The following P2RY12 variants were observed in gnomAD, a reference collection of about 807,000 sequenced individuals.
The protein encoded by P2RY12 is P2Y purinoceptor 12.
Under a neutral mutation model 4.5 loss-of-function variants are expected in P2RY12, and 3 were observed. That is an observed-to-expected ratio of 0.67 (90% CI 0.31 to 1.74). The LOEUF (loss-of-function observed/expected upper bound fraction) is 1.74, where lower values mean the gene tolerates loss of function less well. Among genes scored for constraint, P2RY12 ranks in the 40% most tolerant of loss-of-function variants. P2RY12 has a pLI of 0.09. For synonymous variants in P2RY12, 148 were observed against 154.1 expected, an observed-to-expected ratio of 0.96 and a Z score of 0.29; for missense variants, 356 against 407.8, an observed-to-expected ratio of 0.87 and a Z score of 1.09.
At chr3:151,365,757 A>G in intron 1 of P2RY12, 1 of 1,119,942 alleles carries the variant, frequency 8.9e-7, no homozygotes, top group South Asian at 2.1e-5. Context: ...GACTTGTTTG[A>G]TGTTAGTGAA....
chr3:151,369,790 A>G (rs1445561389), intron 1 of P2RY12, among the ~76,000 whole-genome samples: 3 of 152,198 alleles, frequency 2.0e-5, no homozygotes, highest in South Asian at 4.1e-4. Flanking sequence ...TTTTAGTTGC[A>G]TAATGTCTCA....
chr3:151,352,941 T>C (rs899570636), intron 1 of P2RY12, among the ~76,000 whole-genome samples: 1 of 152,120 alleles, frequency 6.6e-6, no homozygotes, highest in Non-Finnish European at 1.5e-5. Context: ...TGAGGAAAAA[T>C]ATATATTGAC....
chr3:151,364,366 C>A (rs574098082), intron 1 of P2RY12, among the ~76,000 whole-genome samples: 3 of 152,094 alleles, frequency 2.0e-5, no homozygotes, highest in Non-Finnish European at 4.4e-5. Context: ...AGAAATACAA[C>A]ATGATAAGTT....
intron 1 of P2RY12, among the ~76,000 whole-genome samples, chr3:151,382,955 T>C (rs1372256676): frequency 6.6e-6 from 1 of 152,208 alleles, no homozygotes; most frequent in Non-Finnish European, 1.5e-5. Flanking sequence ...CAGTGCTAGG[T>C]ATTTTAAGCA....
intron 1 of P2RY12, among the ~76,000 whole-genome samples, chr3:151,345,116 A>G (rs918605239): frequency 2.6e-5 from 4 of 152,212 alleles, no homozygotes; most frequent in African/African-American, 7.2e-5. Flanking sequence ...TTCTGTGAGT[A>G]TGAGATAATA....
rs373862064 is a variant in P2RY12 at position 151,338,918 on chromosome 3, T to C, written c.-14-59A>G. 313 of 1,493,742 alleles carry C rather than the reference T, an allele frequency of 2.1e-4. 4 individuals carry two copies. The highest frequency in any genetic ancestry group is 2.0e-3 in the South Asian group (176 of 86,252). 92.5% of individuals were successfully genotyped at this position (1,493,742 alleles called of 1,614,324 possible). ...CCTAAGGTAGTTATTATTGCTGTTATCTCTGTGTGTAACTTTTTTGGACAC... is the reference window on the plus strand; with the variant it reads ...CCTAAGGTAGTTATTATTGCTGTTACCTCTGTGTGTAACTTTTTTGGACAC... On this transcript the variant is annotated intron_variant, in intron 2 of 2. Coordinates refer to ENST00000302632, the MANE Select transcript of P2RY12 (RefSeq NM_022788.5).
intron 1 of P2RY12, chr3:151,357,159 T>G (rs1754036062): frequency 1.4e-6 from 2 of 1,395,732 alleles, no homozygotes; most frequent in South Asian, 2.8e-5. Flanking sequence ...AATAAATGTT[T>G]TCTCTATTTG....
intron 1 of P2RY12, among the ~76,000 whole-genome samples, chr3:151,345,929 C>A (rs1358814719): frequency 6.6e-6 from 1 of 152,142 alleles, no homozygotes; most frequent in East Asian, 1.9e-4. Context: ...TGTAGTAACA[C>A]CTAGCATGAG....
chr3:151,358,319 C>G (rs1435236443), intron 1 of P2RY12, among the ~76,000 whole-genome samples: 2 of 151,972 alleles, frequency 1.3e-5, no homozygotes, highest in African/African-American at 4.8e-5. Context: ...TTTAATAACT[C>G]AGCTACTGTA....
At chr3:151,373,087 T>C (rs1442712770) in intron 1 of P2RY12, among the ~76,000 whole-genome samples, 1 of 152,210 alleles carries the variant, frequency 6.6e-6, no homozygotes, top group Non-Finnish European at 1.5e-5. Flanking sequence ...ATTGCATTAT[T>C]TCATAACATA....
At chr3:151,355,301 TC>T in intron 1 of P2RY12, 1 of 1,111,000 alleles carries the variant, frequency 9.0e-7, no homozygotes. Flanking sequence ...AAAATTTTTT[TC>T]ATGCAGTATA....
intron 1 of P2RY12, among the ~76,000 whole-genome samples, chr3:151,342,776 C>T (rs1752034189): frequency 6.6e-6 from 1 of 152,148 alleles, no homozygotes; most frequent in East Asian, 1.9e-4. Flanking sequence ...CAAATCTTAG[C>T]CTTCCTTATT....
chr3:151,376,243 C>G, intron 1 of P2RY12: 1 of 1,352,782 alleles, frequency 7.4e-7, no homozygotes, highest in Non-Finnish European at 9.6e-7. Flanking sequence ...GTGTTTCTGT[C>G]ATTTGATAAA....
intron 1 of P2RY12, among the ~76,000 whole-genome samples, chr3:151,347,776 A>C (rs1395461878): frequency 6.6e-6 from 1 of 152,198 alleles, no homozygotes; most frequent in Non-Finnish European, 1.5e-5. Flanking sequence ...TACACGCTTT[A>C]TCCCAGGTTT....
chr3:151,380,771 A>T (rs191558525), intron 1 of P2RY12, among the ~76,000 whole-genome samples: 2 of 152,336 alleles, frequency 1.3e-5, no homozygotes, highest in Admixed American at 6.5e-5. Flanking sequence ...AAAATTTTAT[A>T]TATTGCATAT....
rs1755971369 is a variant in P2RY12, at chr3:151,369,872, TGA to T, written c.-180+14818_-180+14819del. Reference sequence around the variant, plus strand: ...CTCTGGTGGCAGAAATCACACTTTGTGAGAGACAGGGATGACTTGGTAATCTA... The same window carrying T: ...CTCTGGTGGCAGAAATCACACTTTGTGAGACAGGGATGACTTGGTAATCTA... On this transcript the variant is annotated intron_variant, in intron 1 of 2. Coordinates refer to ENST00000302632, the MANE Select transcript of P2RY12 (RefSeq NM_022788.5). Among the ~76,000 whole-genome samples, 5 of 152,286 alleles carry T rather than the reference TGA, an allele frequency of 3.3e-5. No homozygotes were observed. In the South Asian group the frequency reaches 1.0e-3, roughly 32 times the overall value.
Position 151,345,504 on chromosome 3 carries a change from CT to C in P2RY12, c.-179-4745del, listed in dbSNP as rs11391975. Among the ~76,000 whole-genome samples the C allele has an allele frequency of 6.9e-3, 990 of 143,994 alleles. 10 individuals carry two copies. Among genetic ancestry groups the C allele is most frequent in the South Asian group, 0.025 (113 of 4,596 alleles). The allele number at this position is 143,994 out of a possible 152,430, so 94.5% of individuals were successfully genotyped here. A position where few individuals can be genotyped will look rare whatever the true frequency, so the allele number is the denominator to read the frequency against. ...ATTTGAAGGCTTCTACGTTTTCTTT[CT>C]TTTTTCTTTTTCTTTTTTTTTTTTT... is the stretch of plus-strand genomic sequence containing the variant. On this transcript the variant is annotated intron_variant, in intron 1 of 2. Transcript: ENST00000302632.
At chr3:151,350,965 G>A (rs1228092679) in intron 1 of P2RY12, among the ~76,000 whole-genome samples, 1 of 152,042 alleles carries the variant, frequency 6.6e-6, no homozygotes, top group Non-Finnish European at 1.5e-5. Context: ...TATATAATTA[G>A]GTATCCTGCT....
intron 1 of P2RY12, among the ~76,000 whole-genome samples, chr3:151,344,553 T>A (rs1312652748): frequency 2.6e-5 from 4 of 152,150 alleles, no homozygotes; most frequent in Non-Finnish European, 5.9e-5. Flanking sequence ...TAAAGACTGG[T>A]TTTTACTGCT....
Sources: allele counts gnomAD v4.1 joint callset (sites outside exome capture counted in the v4.1 genomes callset), GRCh38; gene constraint gnomAD v4.1.1; transcripts MANE v1.5; gene names NCBI Gene and HGNC (gene_info 2026-07-23, HGNC 2026-07-21).